The following AK8 variants were observed in gnomAD, a reference collection of about 807,000 sequenced individuals.
AK8 encodes the protein adenylate kinase 8, also known as ATP-AMP transphosphorylase 8.
AK8 carries 44 observed loss-of-function variants against 54.6 expected under a neutral mutation model. The ratio of observed to expected loss-of-function variants is 0.81; its 90% confidence interval spans 0.63 to 1.04. The LOEUF (loss-of-function observed/expected upper bound fraction) is 1.04, where lower values mean the gene tolerates loss of function less well. AK8 is among the 50% of genes least tolerant of loss of function. The pLI, the probability that AK8 is intolerant of heterozygous loss-of-function variation, is 0.00. For missense variants in AK8, 555 were observed against 613.6 expected (o/e 0.90, Z 1.01); for synonymous variants, 239 against 245.6 (o/e 0.97, Z 0.25).
chr9:132,835,955 C>G (rs1842307837), intron 5 of AK8, among the ~76,000 whole-genome samples: 1 of 152,192 alleles, frequency 6.6e-6, no homozygotes, highest in Admixed American at 6.5e-5. Context: ...GAAACCCCGT[C>G]TCTACTAAAA....
At chr9:132,855,510 G>C (rs1843141602) in intron 4 of AK8, among the ~76,000 whole-genome samples, 2 of 152,138 alleles carry the variant, frequency 1.3e-5, no homozygotes, top group Non-Finnish European at 1.5e-5. Context: ...CCTCATGTTG[G>C]TAACAAAATT....
At chr9:132,878,727 G>T (rs1844275538), upstream of AK8, 2 of 987,084 alleles carry the variant, frequency 2.0e-6, no homozygotes, top group South Asian at 4.7e-5. The surrounding 1 kb of genome is among the most constrained non-coding windows in gnomAD (Gnocchi z 4.7). Context: ...TGGGCCGGAG[G>T]TTCGAGGATC....
chr9:132,762,217 AT>A (rs1405024009), intron 11 of AK8, among the ~76,000 whole-genome samples: 5 of 152,110 alleles, frequency 3.3e-5, no homozygotes, highest in Non-Finnish European at 5.9e-5. Flanking sequence ...TTGTCGGTTT[AT>A]TAATTTTGCC....
At position 132,727,388 on chromosome 9, in the gene AK8, G is replaced by A; in HGVS notation, c.1202+66C>T. ...CTGCAGTGTTTCCACCATGGCATTG[G>A]TCAGTCAGTTGGGTCTGGCCCCTGG... On this transcript the variant is annotated intron_variant, in intron 12 of 12. Coordinates refer to ENST00000298545, the MANE Select transcript of AK8 (RefSeq NM_152572.3). 4 of 1,441,766 alleles carry A rather than the reference G, an allele frequency of 2.8e-6. 1 individual carries two copies. In the South Asian group the frequency reaches 4.6e-5, roughly 17 times the overall value. The allele number at this position is 1,441,766 out of a possible 1,614,324, so 89.3% of individuals were successfully genotyped here.
At chr9:132,745,967 G>C (rs1837629782) in intron 11 of AK8, among the ~76,000 whole-genome samples, 1 of 152,202 alleles carries the variant, frequency 6.6e-6, no homozygotes, top group Non-Finnish European at 1.5e-5. Context: ...TGCTCAGGAA[G>C]AGAGAGGATG....
At chr9:132,842,639 A>G (rs1286355629) in intron 5 of AK8, among the ~76,000 whole-genome samples, 1 of 152,226 alleles carries the variant, frequency 6.6e-6, no homozygotes, top group African/African-American at 2.4e-5. Flanking sequence ...TAGTGACTGT[A>G]GACAATACAG....
At chr9:132,863,182 C>T (rs909137780) in intron 4 of AK8, among the ~76,000 whole-genome samples, 29 of 152,364 alleles carry the variant, frequency 1.9e-4, no homozygotes, top group African/African-American at 7.0e-4. Context: ...GTGGGCTGTG[C>T]AGCAGGGTGC....
At chr9:132,832,063 GAA>G (rs11284701) in intron 5 of AK8, among the ~76,000 whole-genome samples, 118 of 12,380 alleles carry the variant, frequency 9.5e-3, no homozygotes, top group African/African-American at 0.029. Flanking sequence ...CCTTGTCTCT[GAA>G]AAAAAAAAAA....
intron 11 of AK8, among the ~76,000 whole-genome samples, chr9:132,757,767 TG>T (rs1156843469): frequency 2.0e-5 from 3 of 152,208 alleles, no homozygotes; most frequent in African/African-American, 7.2e-5. Context: ...ATACTCTATC[TG>T]TCTATCAAAA....
In AK8 at chr9:132,826,831, T is replaced by C; in HGVS notation, c.757+23A>G. The C allele has an allele frequency of 6.2e-7, 1 of 1,612,142 alleles. No individual in the cohort carries two copies. Among genetic ancestry groups the C allele is most frequent in the Non-Finnish European group, 8.5e-7 (1 of 1,178,206 alleles). Reference sequence around the variant, plus strand: ...CCCGCCCTTGGCCGTCTGTCCAGGGTGGGGCTGCCTGCTTGTGTTTACCCT... The same window carrying C: ...CCCGCCCTTGGCCGTCTGTCCAGGGCGGGGCTGCCTGCTTGTGTTTACCCT... On this transcript the variant is annotated intron_variant, in intron 8 of 12. Transcript: ENST00000298545. The surrounding 1 kb of genome is among the most constrained non-coding windows in gnomAD (Gnocchi z 4.5).
chr9:132,845,102 G>A (rs1465116434), intron 5 of AK8, among the ~76,000 whole-genome samples: 1 of 152,154 alleles, frequency 6.6e-6, no homozygotes, highest in East Asian at 1.9e-4. Flanking sequence ...CCAATCAAGG[G>A]GAGTCACCCA....
chr9:132,802,088 A>G (rs1282155215), intron 10 of AK8, among the ~76,000 whole-genome samples: 2 of 152,182 alleles, frequency 1.3e-5, no homozygotes, highest in Admixed American at 6.5e-5. Context: ...CCTCCTCTTC[A>G]TGGGGACAAA....
chr9:132,736,744 C>T lies in AK8; in HGVS notation c.1122-9210G>A, dbSNP rs1364619243. Among the ~76,000 whole-genome samples the T allele has an allele frequency of 2.8e-5, 4 of 142,698 alleles. No individual in the cohort carries two copies. The East Asian group carries it at 8.5e-4, about 30-fold the overall frequency. 93.6% of individuals were successfully genotyped at this position (142,698 alleles called of 152,430 possible). On this transcript the variant is annotated intron_variant, in intron 11 of 12. Coordinates refer to ENST00000298545, the MANE Select transcript of AK8 (RefSeq NM_152572.3). ...AGCTTGAAGTGAGCAGAGGTTGCGC[C>T]ACTGCACTCCAGCCTGGGTGACAGA...
chr9:132,770,645 T>C lies in AK8; in HGVS notation c.1121+21989A>G, dbSNP rs1386071133. Among the ~76,000 whole-genome samples, 1 of 151,832 alleles carries C rather than the reference T, an allele frequency of 6.6e-6. No individual in the cohort carries two copies. The highest frequency in any genetic ancestry group is 2.4e-5 in the African/African-American group (1 of 41,324). On this transcript the variant is annotated intron_variant, in intron 11 of 12. Transcript: ENST00000298545. This position sits in a 1 kb window ranked among gnomAD's most constrained non-coding sequence, Gnocchi z 4.3. Reference sequence around the variant, plus strand: ...TCAACAGAGACCTGGGGCAGCGCGGTGGGCAGCGGGCTGGGCCGAGATCGA... The same window carrying C: ...TCAACAGAGACCTGGGGCAGCGCGGCGGGCAGCGGGCTGGGCCGAGATCGA...
chr9:132,757,135 C>CGT (rs1838226843), intron 11 of AK8, among the ~76,000 whole-genome samples: 1 of 151,838 alleles, frequency 6.6e-6, no homozygotes, highest in Non-Finnish European at 1.5e-5. Context: ...CAACGGAATG[C>CGT]GTGTGTCCAG....
chr9:132,735,121 C>T (rs948918114), intron 11 of AK8, among the ~76,000 whole-genome samples: 1 of 152,206 alleles, frequency 6.6e-6, no homozygotes, highest in Non-Finnish European at 1.5e-5. Context: ...ACTTAGTCTA[C>T]TGGGTCCCAG....
intron 11 of AK8, among the ~76,000 whole-genome samples, chr9:132,750,147 T>C (rs747671717): frequency 2.6e-5 from 4 of 151,896 alleles, no homozygotes; most frequent in Non-Finnish European, 5.9e-5. Flanking sequence ...CCTCTTCTCA[T>C]GGGCTCTGTC....
intron 5 of AK8, among the ~76,000 whole-genome samples, chr9:132,843,220 T>C (rs1842613207): frequency 6.6e-6 from 1 of 152,038 alleles, no homozygotes; most frequent in Non-Finnish European, 1.5e-5. Context: ...GGGTCCCTCA[T>C]GGTTTGGTGC....
At chr9:132,844,882 T>C (rs1046339685) in intron 5 of AK8, among the ~76,000 whole-genome samples, 1 of 152,224 alleles carries the variant, frequency 6.6e-6, no homozygotes, top group Admixed American at 6.5e-5. Context: ...CTTCCTGAGA[T>C]GCAACCTTTG....
Sources: gnomAD v4.1 joint callset for allele counts (sites outside exome capture counted in the v4.1 genomes callset) on GRCh38, gnomAD v4.1.1 for gene constraint, Gnocchi (gnomAD v3.1) non-coding constraint, MANE v1.5 for transcripts, NCBI Gene and HGNC (gene_info 2026-07-23, HGNC 2026-07-21) for gene names.